Variants in PRSS23 observed in about 807,000 individuals in gnomAD.
The protein encoded by PRSS23 is serine protease 23.
PRSS23 carries 25 observed loss-of-function variants against 34.7 expected under a neutral mutation model. The ratio of observed to expected loss-of-function variants is 0.72; its 90% CI spans 0.53 to 1.01. The LOEUF (loss-of-function observed/expected upper bound fraction) is 1.01. PRSS23 is among the 50% of genes least tolerant of loss of function. The pLI is 0.00. For synonymous variants in PRSS23, 176 were observed against 186.6 expected (o/e 0.94, Z 0.46); for missense variants, 445 against 475.6 (o/e 0.94, Z 0.60).
chr11:86,898,033 A>G (rs1369897988), intron 2 of PRSS23, among the ~76,000 whole-genome samples: 1 of 152,210 alleles, frequency 6.6e-6, no homozygotes, highest in Non-Finnish European at 1.5e-5. Flanking sequence ...TAAAAGTAAC[A>G]TTCCCCACAG....
intron 1 of PRSS23, among the ~76,000 whole-genome samples, chr11:86,805,149 C>T (rs1325895191): frequency 1.3e-5 from 2 of 152,180 alleles, no homozygotes; most frequent in South Asian, 2.1e-4. Context: ...CTCCTAGTCC[C>T]TGTCACATTT....
At chr11:86,821,681 C>T (rs752295832) in intron 1 of PRSS23, 3 of 1,520,374 alleles carry the variant, frequency 2.0e-6, no homozygotes, top group East Asian at 4.5e-5. Context: ...GAGCAATCTG[C>T]TCTTATGTTC....
intron 2 of PRSS23, among the ~76,000 whole-genome samples, chr11:86,851,315 C>G (rs1948527555): frequency 6.6e-6 from 1 of 152,186 alleles, no homozygotes. Context: ...AAGCCAGGGG[C>G]AGGGGCAAGG....
chr11:86,916,583 T>G (rs550609520), intron 2 of PRSS23, among the ~76,000 whole-genome samples: 1 of 152,208 alleles, frequency 6.6e-6, no homozygotes, highest in South Asian at 2.1e-4. Flanking sequence ...AGCAAAAAGA[T>G]GGTTAGTGGA....
chr11:86,862,733 C>T (rs191214964), intron 2 of PRSS23, among the ~76,000 whole-genome samples: 1 of 151,932 alleles, frequency 6.6e-6, no homozygotes, highest in East Asian at 1.9e-4. Context: ...GATATACACC[C>T]TTTTATATTC....
At chr11:86,844,546 T>A (rs1422979506) in intron 2 of PRSS23, among the ~76,000 whole-genome samples, 2 of 152,216 alleles carry the variant, frequency 1.3e-5, no homozygotes, top group African/African-American at 4.8e-5. Flanking sequence ...TCTGGAGTAA[T>A]GTGAAAGTCT....
chr11:86,834,776 T>G (rs1043615932), intron 2 of PRSS23, among the ~76,000 whole-genome samples: 1 of 152,132 alleles, frequency 6.6e-6, no homozygotes, highest in African/African-American at 2.4e-5. Flanking sequence ...TAAGCATACA[T>G]AGAGTCTGTA....
intron 2 of PRSS23, among the ~76,000 whole-genome samples, chr11:86,876,041 C>T (rs1383216417): frequency 2.0e-5 from 3 of 152,112 alleles, no homozygotes; most frequent in Non-Finnish European, 2.9e-5. Context: ...TCTAGGTAGA[C>T]GTGTACAAGT....
chr11:86,924,358 C>T (rs143089543), intron 2 of PRSS23, among the ~76,000 whole-genome samples: 4 of 152,296 alleles, frequency 2.6e-5, no homozygotes, highest in African/African-American at 9.6e-5. Context: ...CCAACTCCTA[C>T]AGCCATTTCT....
At chr11:86,938,171 G>A (rs377130328) in intron 2 of PRSS23, among the ~76,000 whole-genome samples, 24 of 152,284 alleles carry the variant, frequency 1.6e-4, no homozygotes, top group African/African-American at 3.6e-4. Context: ...ACCCGAACCA[G>A]CATTGGGCGC....
At chr11:86,824,401 G>C (rs1332014891) in intron 2 of PRSS23, among the ~76,000 whole-genome samples, 2 of 136,868 alleles carry the variant, frequency 1.5e-5, no homozygotes, top group African/African-American at 2.8e-5. Context: ...ATGGAGGAAA[G>C]TAAGAACAGT....
chr11:86,885,551 G>T (rs1565376828), intron 2 of PRSS23, among the ~76,000 whole-genome samples: 1 of 152,238 alleles, frequency 6.6e-6, no homozygotes, highest in Non-Finnish European at 1.5e-5. Context: ...GCTTCATCCA[G>T]TCAGTTGAAG....
At chr11:86,937,179 T>G (rs982957845) in intron 2 of PRSS23, 2 of 152,240 alleles carry the variant, frequency 1.3e-5, no homozygotes, top group Non-Finnish European at 2.9e-5. Context: ...TTTTGGTCAA[T>G]GATTCTTAAT....
intron 2 of PRSS23, among the ~76,000 whole-genome samples, chr11:86,930,799 A>G (rs1355765247): frequency 6.8e-6 from 1 of 146,710 alleles, no homozygotes; most frequent in Non-Finnish European, 1.5e-5. Context: ...CAAAAAAAAA[A>G]AAAAAAGAAC....
chr11:86,845,550 G>C (rs1307499458), intron 2 of PRSS23, among the ~76,000 whole-genome samples: 1 of 152,182 alleles, frequency 6.6e-6, no homozygotes, highest in Admixed American at 6.5e-5. Flanking sequence ...AATGAGAGGA[G>C]GTGCCAGCTG....
intron 2 of PRSS23, among the ~76,000 whole-genome samples, chr11:86,908,714 A>G (rs1948959098): frequency 2.0e-5 from 3 of 152,186 alleles, no homozygotes; most frequent in African/African-American, 7.2e-5. Context: ...AGGTTAACTG[A>G]AAAATATCAG....
chr11:86,823,949 T>A lies in PRSS23; in HGVS notation c.206+356T>A, dbSNP rs950106200. ...TGAACCCGGGAGGTGGAGCTTGCAG[T>A]GAGCCGAGATCGCGCCACTGCAGTC... On this transcript the variant is annotated intron_variant, in intron 2 of 2. Coordinates refer to the PRSS23 transcript ENST00000533902. Among the ~76,000 whole-genome samples the A allele has an allele frequency of 2.5e-5, 3 of 119,876 alleles. 1 individual carries two copies. The Admixed American group carries it at 3.6e-4, about 14-fold the overall frequency. 78.6% of individuals were successfully genotyped at this position (119,876 alleles called of 152,430 possible). A position where few individuals can be genotyped will look rare whatever the true frequency, so the allele number is the denominator to read the frequency against.
rs150873378 is a variant in PRSS23 at position 86,804,411 on chromosome 11, G to A, written c.-13-3220G>A. On this transcript the variant is annotated intron_variant, in intron 1 of 1. Coordinates refer to ENST00000280258, the MANE Select transcript of PRSS23 (RefSeq NM_007173.6). ...TTTTAGCGTTACATGGAAGCTTTAA[G>A]CAAGATATATAATGCTGTCAGAACA... Among the ~76,000 whole-genome samples the A allele has an allele frequency of 1.1e-4, 16 of 152,262 alleles. No individual in the cohort carries two copies. In the East Asian group the frequency reaches 1.9e-3, roughly 18 times the overall value.
chr11:86,860,195 C>G (rs1948603376), intron 2 of PRSS23, among the ~76,000 whole-genome samples: 1 of 151,832 alleles, frequency 6.6e-6, no homozygotes, highest in Non-Finnish European at 1.5e-5. Context: ...GATATTACTC[C>G]AAATATCTCA....
Sources: gnomAD v4.1 joint callset for allele counts (sites outside exome capture counted in the v4.1 genomes callset) on GRCh38, gnomAD v4.1.1 for gene constraint, MANE v1.5 for transcripts, NCBI Gene and HGNC (gene_info 2026-07-23, HGNC 2026-07-21) for gene names.